Variants in DHDDS observed in about 807,000 individuals in gnomAD.
DHDDS encodes the protein dehydrodolichyl diphosphate synthase subunit, also known as dehydrodolichyl diphosphate synthase complex subunit DHDDS.
DHDDS carries 16 observed loss-of-function variants against 46.2 expected under a neutral mutation model. That is an observed-to-expected ratio of 0.35 (90% CI 0.23 to 0.53). The LOEUF (loss-of-function observed/expected upper bound fraction) is 0.53, where lower values mean the gene tolerates loss of function less well. Among genes scored for constraint, DHDDS ranks in the 20% least tolerant of loss-of-function variants. The pLI, the probability that DHDDS is intolerant of heterozygous loss-of-function variation, is 0.94. For missense variants in DHDDS, 340 were observed against 423.7 expected, an observed-to-expected ratio of 0.80 and a Z score of 1.73; for synonymous variants, 151 against 163.1, an observed-to-expected ratio of 0.93 and a Z score of 0.56.
rs1462701915 is a variant in DHDDS at position 26,432,904 on chromosome 1, T to C, written c.-42T>C. On this transcript the variant is annotated 5_prime_UTR_variant, in exon 2 of 9. Transcript: ENST00000236342. ...TGTTTATCCAAGATTACCTGGCTGG[T>C]GTTTGCTTGTTCTGGAGTGATCTTC... 6.2e-7 allele frequency: 1 copy of C among 1,602,424 alleles called. No homozygotes were observed. Among genetic ancestry groups the C allele is most frequent in the Non-Finnish European group, 8.6e-7 (1 of 1,169,512 alleles).
chr1:26,442,892 G>C lies in DHDDS; in HGVS notation c.323+19G>C. ...AAGAAAAGTAAGATGCTATCAGAGG[G>C]GAGAGCATGTTCTTCCACCACCCCC... On this transcript the variant is annotated intron_variant, in intron 4 of 8. Transcript: ENST00000236342. 2 of 1,613,790 alleles carry C rather than the reference G, an allele frequency of 1.2e-6. No homozygotes were observed. Among genetic ancestry groups the C allele is most frequent in the Non-Finnish European group, 1.7e-6 (2 of 1,179,908 alleles).
In DHDDS at chr1:26,467,372, C is replaced by G. The variant is rs187646435; in HGVS notation, c.766-1523C>G. ...GAGCTCTACGGCAACTGTTCAAGCCCGAAGTCCTCATAGCTCCACATGTAA... is the reference window on the plus strand; with the variant it reads ...GAGCTCTACGGCAACTGTTCAAGCCGGAAGTCCTCATAGCTCCACATGTAA... On this transcript the variant is annotated intron_variant, in intron 8 of 8. Coordinates refer to ENST00000236342, the MANE Select transcript of DHDDS (RefSeq NM_205861.3). The G allele has an allele frequency of 1.7e-3, 814 of 471,178 alleles. 5 individuals carry two copies. The highest frequency in any genetic ancestry group is 0.015 in the African/African-American group (740 of 50,180). The allele number at this position is 471,178 out of a possible 1,614,324, so 29.2% of individuals were successfully genotyped here. A position where few individuals can be genotyped will look rare whatever the true frequency, so the allele number is the denominator to read the frequency against.
rs2075526736 is a variant in DHDDS, at chr1:26,469,162, C to T, written c.*31C>T. On this transcript the variant is annotated 3_prime_UTR_variant, in exon 9 of 9. Transcript: ENST00000236342. The stretch of plus-strand genomic sequence containing the variant: ...GCTGGCCACCTGCCACTTTGCCCTG[C>T]CCTCTGCCTCCAGGGCTCCACTCCC... 6.2e-7 allele frequency: 1 copy of T among 1,611,128 alleles called. No individual in the cohort carries two copies. The highest frequency in any genetic ancestry group is 1.1e-5 in the South Asian group (1 of 90,918).
intron 2 of DHDDS, among the ~76,000 whole-genome samples, chr1:26,433,767 G>A (rs529224213): frequency 4.0e-5 from 6 of 151,292 alleles, no homozygotes; most frequent in Non-Finnish European, 4.4e-5. Flanking sequence ...ATGGAGTCTC[G>A]CTCTGTCGCC....
intron 6 of DHDDS, chr1:26,454,985 C>T: frequency 6.5e-7 from 1 of 1,529,152 alleles, no homozygotes; most frequent in Admixed American, 1.7e-5. Flanking sequence ...GGCACACCTG[C>T]CAGCTCCACC....
intron 3 of DHDDS, among the ~76,000 whole-genome samples, chr1:26,440,569 C>T (rs1050903433): frequency 1.6e-4 from 25 of 152,164 alleles, no homozygotes; most frequent in African/African-American, 6.0e-4. Flanking sequence ...AGGAAGTACT[C>T]AAAAAATTGA....
chr1:26,460,328 C>T lies in DHDDS; in HGVS notation c.765+184C>T, dbSNP rs139525044. 6.7e-3 allele frequency among the ~76,000 whole-genome samples: 1,026 copies of T among 152,320 alleles called. 10 individuals are homozygous for T. The highest frequency in any genetic ancestry group is 0.023 in the African/African-American group (976 of 41,560). ...TGCGAACATTTTACATGCTGCAACT[C>T]ATTTAATGTTCCCAAGAACCCAATG... On this transcript the variant is annotated intron_variant, in intron 8 of 8. Transcript: ENST00000236342.
intron 6 of DHDDS, chr1:26,454,961 C>T (rs898174175): frequency 6.3e-7 from 1 of 1,599,990 alleles, no homozygotes; most frequent in Non-Finnish European, 8.5e-7. Context: ...TGTCCAGCCC[C>T]ACTGCTTGGC....
intron 6 of DHDDS, among the ~76,000 whole-genome samples, chr1:26,449,191 C>G (rs1428638671): frequency 6.6e-6 from 1 of 151,214 alleles, no homozygotes; most frequent in African/African-American, 2.4e-5. Context: ...CTCCGCTTCC[C>G]AGGTTCCAGC....
chr1:26,444,906 C>A (rs2075253909), intron 4 of DHDDS, among the ~76,000 whole-genome samples: 1 of 152,232 alleles, frequency 6.6e-6, no homozygotes, highest in South Asian at 2.1e-4. Context: ...CAATTAATCT[C>A]CCATTTTCCA....
chr1:26,434,845 G>A (rs1330833092), intron 2 of DHDDS, among the ~76,000 whole-genome samples: 1 of 140,754 alleles, frequency 7.1e-6, no homozygotes, highest in Non-Finnish European at 1.5e-5. Context: ...TTTTTTAGTA[G>A]AGTTGGGGTT....
intron 4 of DHDDS, 179 bp downstream of exon 4, chr1:26,443,052 C>CTTTTAT: frequency 1.0e-6 from 1 of 999,580 alleles, no homozygotes; most frequent in Non-Finnish European, 1.4e-6. Context: ...TTATTTCTAA[C>CTTTTAT]TTTTTAATAA....
intron 8 of DHDDS, among the ~76,000 whole-genome samples, chr1:26,464,968 A>G (rs898235576): frequency 4.6e-5 from 7 of 152,192 alleles, no homozygotes; most frequent in Non-Finnish European, 1.0e-4. Flanking sequence ...TGAATGGACC[A>G]TGACAGTCTC....
chr1:26,442,922 T>A, intron 4 of DHDDS, 49 bp downstream of exon 4: 1 of 1,612,898 alleles, frequency 6.2e-7, no homozygotes, highest in Non-Finnish European at 8.5e-7. Flanking sequence ...ACCCCCAGCC[T>A]TATCCTAACC....
Position 26,469,258 on chromosome 1 carries a change from C to A in DHDDS, c.*127C>A. 1 of 1,557,042 alleles carries A rather than the reference C, an allele frequency of 6.4e-7. No homozygotes were observed. The highest frequency in any genetic ancestry group is 2.3e-5 in the East Asian group (1 of 43,572). ...GTGTTCCCTTTGCTTGGCTGGGGAG[C>A]CCCCCAGGCCAGGTTTGCTGGCCAT... On this transcript the variant is annotated 3_prime_UTR_variant, in exon 9 of 9. Transcript: ENST00000236342.
chr1:26,448,072 C>G, intron 6 of DHDDS: 1 of 343,648 alleles, frequency 2.9e-6, no homozygotes, highest in Non-Finnish European at 5.3e-6. Flanking sequence ...AAATTATACC[C>G]TCCTGGCCCT....
At chr1:26,450,080 AG>A (rs991642113) in intron 6 of DHDDS, among the ~76,000 whole-genome samples, 4 of 152,200 alleles carry the variant, frequency 2.6e-5, no homozygotes, top group Non-Finnish European at 5.9e-5. Flanking sequence ...CTCTGTCGCC[AG>A]TATGGAAGCC....
At chr1:26,432,808 A>ATAGTCCAT in intron 1 of DHDDS, 83 bp from the exon 2 acceptor site, 1 of 813,300 alleles carries the variant, frequency 1.2e-6, no homozygotes, top group East Asian at 2.6e-5. Context: ...GCTGCTCTCC[A>ATAGTCCAT]TAGTCCATCT....
chr1:26,437,792 A>C (rs1271098225), intron 2 of DHDDS, among the ~76,000 whole-genome samples: 1 of 151,484 alleles, frequency 6.6e-6, no homozygotes, highest in Non-Finnish European at 1.5e-5. Context: ...ATCTCTTAAA[A>C]AAAGAAAAAA....
Sources: gnomAD v4.1 joint callset for allele counts (sites outside exome capture counted in the v4.1 genomes callset) on GRCh38, gnomAD v4.1.1 for gene constraint, MANE v1.5 for transcripts, NCBI Gene and HGNC (gene_info 2026-07-23, HGNC 2026-07-21) for gene names.